The following HSPA12A variants were observed in gnomAD, a reference collection of about 807,000 sequenced individuals.
The protein encoded by HSPA12A is heat shock protein family A (Hsp70) member 12A.
In HSPA12A, 28 loss-of-function variants were observed where a neutral mutation model predicts 69.2. The ratio of observed to expected loss-of-function variants is 0.40; its 90% CI spans 0.30 to 0.55. The LOEUF (loss-of-function observed/expected upper bound fraction) is 0.55, where lower values mean the gene tolerates loss of function less well. Ranked by LOEUF, HSPA12A falls within the 20% of genes least tolerant of loss-of-function variation. The pLI is 0.38. For missense variants in HSPA12A, 686 were observed against 900.7 expected, an observed-to-expected ratio of 0.76 and a Z score of 3.05; for synonymous variants, 345 against 370.5, an observed-to-expected ratio of 0.93 and a Z score of 0.79.
At chr10:116,714,547 GC>G (rs1157963626) in intron 1 of HSPA12A, among the ~76,000 whole-genome samples, 1 of 152,098 alleles carries the variant, frequency 6.6e-6, no homozygotes, top group Non-Finnish European at 1.5e-5. Context: ...TCCTGGGCCT[GC>G]CCCCTCCCCC....
chr10:116,808,945 G>A (rs1043322890), intron 2 of HSPA12A, among the ~76,000 whole-genome samples: 1 of 152,198 alleles, frequency 6.6e-6, no homozygotes, highest in Non-Finnish European at 1.5e-5. Context: ...GCCCCCAGTG[G>A]CTAGCGGGGA....
intron 1 of HSPA12A, among the ~76,000 whole-genome samples, chr10:116,840,997 C>G (rs552898694): frequency 5.9e-5 from 9 of 152,200 alleles, no homozygotes; most frequent in African/African-American, 2.2e-4. Flanking sequence ...GCCTGAGTTA[C>G]TCACGCTGCT....
At chr10:116,775,176 G>A (rs966525512) in intron 2 of HSPA12A, among the ~76,000 whole-genome samples, 2 of 152,220 alleles carry the variant, frequency 1.3e-5, no homozygotes, top group South Asian at 2.1e-4. Context: ...TACTAAGAAC[G>A]TGCGAGTTCC....
chr10:116,771,454 T>C (rs1339815260), intron 2 of HSPA12A, among the ~76,000 whole-genome samples: 1 of 152,098 alleles, frequency 6.6e-6, no homozygotes, highest in Non-Finnish European at 1.5e-5. Context: ...CTCCGGGAGC[T>C]GAAATGGGAA....
intron 1 of HSPA12A, among the ~76,000 whole-genome samples, chr10:116,725,511 G>A (rs1280088499): frequency 1.3e-5 from 2 of 152,192 alleles, no homozygotes; most frequent in East Asian, 1.9e-4. Context: ...AGGGGCAGGC[G>A]AGCAGGGGAG....
At chr10:116,829,172 A>G (rs1845565884) in intron 2 of HSPA12A, 2 of 152,158 alleles carry the variant, frequency 1.3e-5, no homozygotes, top group South Asian at 2.1e-4. Context: ...TACTGTTCCC[A>G]TGGTAGTGAA....
intron 2 of HSPA12A, chr10:116,827,398 C>A (rs1845528407): frequency 1.3e-5 from 2 of 152,360 alleles, no homozygotes; most frequent in African/African-American, 4.8e-5. Flanking sequence ...CCACTCCCAG[C>A]CACTGCCTCC....
intron 1 of HSPA12A, among the ~76,000 whole-genome samples, chr10:116,711,242 G>C (rs1483588270): frequency 6.6e-6 from 1 of 152,122 alleles, no homozygotes; most frequent in Non-Finnish European, 1.5e-5. Flanking sequence ...TCTCCCTCGG[G>C]ACTACTCTCA....
chr10:116,783,021 C>T (rs1385467432), intron 2 of HSPA12A, among the ~76,000 whole-genome samples: 5 of 152,232 alleles, frequency 3.3e-5, no homozygotes, highest in Non-Finnish European at 7.3e-5. Context: ...CAAATGTCTC[C>T]TGCCACTCAG....
At chr10:116,826,671 A>G (rs1026077735) in intron 2 of HSPA12A, among the ~76,000 whole-genome samples, 3 of 152,350 alleles carry the variant, frequency 2.0e-5, no homozygotes, top group Admixed American at 2.0e-4. Context: ...CAAATCACCC[A>G]TAATTTCTCT....
intron 2 of HSPA12A, among the ~76,000 whole-genome samples, chr10:116,785,882 C>A (rs976408324): frequency 5.3e-5 from 8 of 152,156 alleles, no homozygotes; most frequent in Admixed American, 2.6e-4. Flanking sequence ...ATTTCCCCCC[C>A]TCCCCTCACC....
intron 2 of HSPA12A, among the ~76,000 whole-genome samples, chr10:116,793,551 A>G (rs1352608650): frequency 6.7e-6 from 1 of 150,130 alleles, no homozygotes; most frequent in African/African-American, 2.4e-5. Flanking sequence ...AACCTGGGTG[A>G]CAGAGCAAGA....
At chr10:116,776,026 C>A (rs1844328557) in intron 2 of HSPA12A, among the ~76,000 whole-genome samples, 1 of 152,224 alleles carries the variant, frequency 6.6e-6, no homozygotes, top group Non-Finnish European at 1.5e-5. Context: ...CTCTGCGTCC[C>A]CTCTGGCCTC....
At chr10:116,821,215 C>T (rs1194571528) in intron 2 of HSPA12A, among the ~76,000 whole-genome samples, 1 of 152,196 alleles carries the variant, frequency 6.6e-6, no homozygotes. Flanking sequence ...CCTGGCTTCC[C>T]ACCTCAGAGG....
intron 5 of HSPA12A, among the ~76,000 whole-genome samples, chr10:116,694,782 C>A (rs1341018171): frequency 6.6e-6 from 1 of 152,160 alleles, no homozygotes; most frequent in Non-Finnish European, 1.5e-5. Flanking sequence ...CCTCTGCAAC[C>A]TTTGCTCTTC....
chr10:116,728,529 A>T (rs1851049405), intron 1 of HSPA12A, among the ~76,000 whole-genome samples: 1 of 152,184 alleles, frequency 6.6e-6, no homozygotes, highest in South Asian at 2.1e-4. Context: ...CTCAGTGACG[A>T]ATGTAGGCTT....
At chr10:116,811,032 G>A (rs1845169166) in intron 2 of HSPA12A, among the ~76,000 whole-genome samples, 1 of 152,136 alleles carries the variant, frequency 6.6e-6, no homozygotes, top group Non-Finnish European at 1.5e-5. Flanking sequence ...CAAACCATAG[G>A]GATAAGATTA....
At chr10:116,785,753 C>T (rs886286783) in intron 2 of HSPA12A, among the ~76,000 whole-genome samples, 4 of 152,176 alleles carry the variant, frequency 2.6e-5, no homozygotes, top group African/African-American at 7.2e-5. Context: ...CCCTCCCTCC[C>T]AGGGAATGGT....
At chr10:116,837,810 G>T in intron 1 of HSPA12A, among the ~76,000 whole-genome samples, 1 of 141,156 alleles carries the variant, frequency 7.1e-6, no homozygotes, top group East Asian at 1.9e-4. Context: ...TTAGTAAAAA[G>T]AATGCAAAAA....
Sources: gnomAD v4.1 joint callset for allele counts (sites outside exome capture counted in the v4.1 genomes callset) on GRCh38, gnomAD v4.1.1 for gene constraint, MANE v1.5 for transcripts, NCBI Gene and HGNC (gene_info 2026-07-23, HGNC 2026-07-21) for gene names.